SLC9C2: variants seen among roughly 807,000 people sequenced by gnomAD.
SLC9C2 encodes solute carrier family 9 member C2 (putative).
SLC9C2 carries 75 observed loss-of-function variants against 140.2 expected under a neutral mutation model. The ratio of observed to expected loss-of-function variants is 0.53; its 90% confidence interval spans 0.44 to 0.65. The LOEUF is 0.65. SLC9C2 is among the 30% of genes least tolerant of loss of function. SLC9C2 has a pLI of 0.00. For synonymous variants in SLC9C2, 375 were observed against 420.9 expected, an observed-to-expected ratio of 0.89 and a Z score of 1.34; for missense variants, 1,074 against 1,331.8, an observed-to-expected ratio of 0.81 and a Z score of 3.01.
chr1:173,532,164 T>G (rs1026970541), intron 17 of SLC9C2, among the ~76,000 whole-genome samples: 1 of 152,200 alleles, frequency 6.6e-6, no homozygotes. Context: ...CAATTCTGCC[T>G]TAAAGATAAC....
At chr1:173,567,600 T>A (rs1204881271) in intron 9 of SLC9C2, among the ~76,000 whole-genome samples, 2 of 152,090 alleles carry the variant, frequency 1.3e-5, no homozygotes, top group Non-Finnish European at 2.9e-5. Context: ...GTCTTGTTTT[T>A]TATTATTAAT....
At chr1:173,589,492 C>T (rs1046939826) in intron 4 of SLC9C2, among the ~76,000 whole-genome samples, 3 of 151,714 alleles carry the variant, frequency 2.0e-5, no homozygotes, top group African/African-American at 7.3e-5. Context: ...CCCAGGAGGT[C>T]GAGGCTGGAG....
Position 173,526,712 on chromosome 1 carries a change from T to G in SLC9C2, c.2316A>C (p.Lys772Asn). ...QIAVCESIYQ[K>N]LCEILETNKQ... ...TGTTGGTTTCCAAAATTTCACATAGTTTCTGTAAAAAATTAAGAAAAACAT... is the reference window on the plus strand; with the variant it reads ...TGTTGGTTTCCAAAATTTCACATAGGTTCTGTAAAAAATTAAGAAAAACAT... Residue 772 changes from lysine to asparagine, a missense_variant and splice_region_variant, in exon 19 of 28, where the codon AAA becomes AAC. By Grantham distance (94) the Lys-to-Asn change is moderately conservative (BLOSUM62 0). Coordinates refer to ENST00000367714, the MANE Select transcript of SLC9C2 (RefSeq NM_178527.4). 1 of 1,585,704 alleles carries G rather than the reference T, an allele frequency of 6.3e-7. No individual in the cohort carries two copies. The highest frequency in any genetic ancestry group is 8.5e-7 in the Non-Finnish European group (1 of 1,170,082).
intron 11 of SLC9C2, among the ~76,000 whole-genome samples, chr1:173,550,756 TA>T (rs1395373253): frequency 2.0e-5 from 3 of 151,322 alleles, no homozygotes; most frequent in Non-Finnish European, 4.4e-5. Flanking sequence ...TTTTTTTTTT[TA>T]AATGAAGAAG....
chr1:173,544,209 C>A (rs6676987), intron 13 of SLC9C2, among the ~76,000 whole-genome samples: 54,733 of 152,038 alleles, frequency 0.36, 12,452 homozygotes, highest in East Asian at 0.64. Context: ...ATATGAACAG[C>A]CACTTCTCAA....
chr1:173,591,404 G>T (rs1183017901), intron 4 of SLC9C2, among the ~76,000 whole-genome samples: 3 of 152,086 alleles, frequency 2.0e-5, no homozygotes, highest in African/African-American at 7.2e-5. Context: ...TAATGGGATT[G>T]CTGGGTTGAA....
At chr1:173,564,968 C>CTTTTTTT (rs564120430) in intron 9 of SLC9C2, among the ~76,000 whole-genome samples, 56 of 113,588 alleles carry the variant, frequency 4.9e-4, no homozygotes, top group East Asian at 2.1e-3. Context: ...TTTTCTTTTT[C>CTTTTTTT]TTTTTTTTTT....
chr1:173,560,393 A>G (rs575810528), intron 9 of SLC9C2, among the ~76,000 whole-genome samples: 2 of 152,228 alleles, frequency 1.3e-5, no homozygotes, highest in Non-Finnish European at 2.9e-5. Context: ...TCTGGGCCAC[A>G]GGGACCTGCC....
At chr1:173,593,250 G>A (rs187399458) in intron 4 of SLC9C2, among the ~76,000 whole-genome samples, 6 of 152,284 alleles carry the variant, frequency 3.9e-5, no homozygotes, top group East Asian at 3.9e-4. Context: ...GGCCTGGCGC[G>A]GTGGCTTATG....
rs750216132 is a variant in SLC9C2 at position 173,547,830 on chromosome 1, A to G, written c.1462-46T>C. On this transcript the variant is annotated intron_variant, in intron 12 of 27. Transcript: ENST00000367714. Reference sequence around the variant, plus strand: ...TTTTAAAACATAAAGGGATAAAGTTAAAAATAAGTAAAAATGATTAGGAAC... The same window carrying G: ...TTTTAAAACATAAAGGGATAAAGTTGAAAATAAGTAAAAATGATTAGGAAC... The G allele has an allele frequency of 1.5e-5, 21 of 1,356,194 alleles. No homozygotes were observed. The Admixed American group carries it at 3.7e-4, about 24-fold the overall frequency. The allele number at this position is 1,356,194 out of a possible 1,614,324, so 84.0% of individuals were successfully genotyped here.
chr1:173,559,923 G>A lies in SLC9C2; in HGVS notation c.1047-2415C>T, dbSNP rs550814645. On this transcript the variant is annotated intron_variant, in intron 9 of 27. Transcript: ENST00000367714. ...CCCTCTATAATCAGCAATGTTCTAC[G>A]TCCCCTTCCTGTTTGTCATAACCTC... Among the ~76,000 whole-genome samples the A allele has an allele frequency of 4.6e-5, 7 of 152,194 alleles. No individual in the cohort carries two copies. In the East Asian group the frequency reaches 5.8e-4, roughly 13 times the overall value.
chr1:173,509,612 G>C lies in SLC9C2; in HGVS notation c.2995C>G (p.Leu999Val). Residue 999 changes from leucine (L) to valine (V), a missense_variant, in exon 24 of 28, where the codon CTC becomes GTC. By Grantham distance (32) the Leu-to-Val change is conservative. Coordinates refer to ENST00000367714, the MANE Select transcript of SLC9C2 (RefSeq NM_178527.4). The part of the protein sequence containing the change: ...LEYKIWLKLA[L>V]STAYQYFESS... ...TCAAAATACTGATAGGCAGTACTGA[G>C]AGCAAGCTTTAGCCATATTTTATAT... 1 of 1,597,718 alleles carries C rather than the reference G, an allele frequency of 6.3e-7. No homozygotes were observed. The highest frequency in any genetic ancestry group is 1.2e-5 in the South Asian group (1 of 86,666).
chr1:173,517,999 G>T (rs570407741), intron 22 of SLC9C2, among the ~76,000 whole-genome samples: 3 of 152,208 alleles, frequency 2.0e-5, no homozygotes, highest in Middle Eastern at 3.4e-3. Context: ...AGTGGCTCAC[G>T]CCTGTAATCC....
intron 22 of SLC9C2, among the ~76,000 whole-genome samples, chr1:173,518,685 T>G (rs910317662): frequency 6.6e-6 from 1 of 152,186 alleles, no homozygotes; most frequent in Non-Finnish European, 1.5e-5. Flanking sequence ...GGAAGGTTCT[T>G]GTTCAAGACA....
chr1:173,575,466 T>A (rs769016856), intron 8 of SLC9C2, among the ~76,000 whole-genome samples: 21 of 152,178 alleles, frequency 1.4e-4, no homozygotes, highest in Non-Finnish European at 3.1e-4. Flanking sequence ...TTCTATGAAC[T>A]GGTTATTCCC....
At chr1:173,545,289 A>G (rs1662762848) in intron 13 of SLC9C2, among the ~76,000 whole-genome samples, 1 of 152,220 alleles carries the variant, frequency 6.6e-6, no homozygotes, top group African/African-American at 2.4e-5. Context: ...ATTGGACAAA[A>G]AGGGACGGAG....
At chr1:173,554,175 T>C (rs1663510092) in intron 11 of SLC9C2, among the ~76,000 whole-genome samples, 1 of 152,236 alleles carries the variant, frequency 6.6e-6, no homozygotes, top group Non-Finnish European at 1.5e-5. Context: ...AAGTTTTGGC[T>C]GATCATATCG....
Position 173,581,922 on chromosome 1 carries a change from A to C in SLC9C2, c.727T>G (p.Leu243Val). 1 of 1,608,886 alleles carries C rather than the reference A, an allele frequency of 6.2e-7. No homozygotes were observed. Among genetic ancestry groups the C allele is most frequent in the Admixed American group, 1.7e-5 (1 of 59,930 alleles). ...AGCATATTGCTAAAAACGTCAGCCAATATACACTGAATGATTTTTGCACAC... is the reference window on the plus strand; with the variant it reads ...AGCATATTGCTAAAAACGTCAGCCACTATACACTGAATGATTTTTGCACAC... ...YWCAKIIQCI[L>V]ADVFSNMLTN... The change falls in exon 7 of 28, where the codon TTG (leucine) becomes GTG (valine). Residue 243 changes from leucine to valine, a missense_variant. Coordinates refer to ENST00000367714, the MANE Select transcript of SLC9C2 (RefSeq NM_178527.4).
intron 13 of SLC9C2, among the ~76,000 whole-genome samples, chr1:173,546,243 G>C (rs956783898): frequency 6.6e-6 from 1 of 152,172 alleles, no homozygotes; most frequent in South Asian, 2.1e-4. Flanking sequence ...GAAGAAATAT[G>C]TTCTTCAAGC....
Sources: gnomAD v4.1 joint callset for allele counts (sites outside exome capture counted in the v4.1 genomes callset) on GRCh38, gnomAD v4.1.1 for gene constraint, MANE v1.5 for transcripts, NCBI Gene and HGNC (gene_info 2026-07-23, HGNC 2026-07-21) for gene names.